Variants in AKIRIN2 observed in about 807,000 individuals in gnomAD.
The protein encoded by AKIRIN2 is akirin 2, also known as akirin-2.
A neutral mutation model predicts 29.3 loss-of-function variants in AKIRIN2; 6 were observed. That is an observed-to-expected ratio of 0.20 (90% confidence interval 0.11 to 0.40). The LOEUF is 0.40. AKIRIN2 is among the 10% of genes least tolerant of loss of function. AKIRIN2 has a pLI of 1.00. For missense variants in AKIRIN2, 210 were observed against 276.1 expected (o/e 0.76, Z 1.70); for synonymous variants, 128 against 117.5 (o/e 1.09, Z -0.58).
At chr6:87,692,002 T>C (rs564856937) in intron 1 of AKIRIN2, among the ~76,000 whole-genome samples, 6 of 152,318 alleles carry the variant, frequency 3.9e-5, no homozygotes, top group African/African-American at 1.4e-4. Flanking sequence ...AAAGATCCAA[T>C]TGAGAGAAGA....
intron 1 of AKIRIN2, among the ~76,000 whole-genome samples, chr6:87,686,912 G>A (rs972102430): frequency 5.9e-5 from 9 of 151,354 alleles, no homozygotes; most frequent in Admixed American, 4.6e-4. Flanking sequence ...CAGGCATGGT[G>A]GTGGGCGCCT....
chr6:87,695,868 T>A (rs1771351540), intron 1 of AKIRIN2, among the ~76,000 whole-genome samples: 1 of 149,232 alleles, frequency 6.7e-6, no homozygotes, highest in East Asian at 2.0e-4. Context: ...TCTTTCTAGA[T>A]CTATCAAAAC....
At chr6:87,694,914 T>A (rs965568936) in intron 1 of AKIRIN2, among the ~76,000 whole-genome samples, 4 of 152,114 alleles carry the variant, frequency 2.6e-5, no homozygotes, top group Admixed American at 2.0e-4. Context: ...AAAATAAATA[T>A]CAAAGCTGAA....
chr6:87,698,175 T>TC (rs981010119), intron 1 of AKIRIN2, among the ~76,000 whole-genome samples: 1 of 152,032 alleles, frequency 6.6e-6, no homozygotes, highest in Non-Finnish European at 1.5e-5. Context: ...ATGCTTCTGC[T>TC]CCCCCTCCCC....
At chr6:87,678,248 C>T (rs967146461) in intron 2 of AKIRIN2, among the ~76,000 whole-genome samples, 4 of 152,062 alleles carry the variant, frequency 2.6e-5, no homozygotes, top group Admixed American at 1.3e-4. Context: ...TGGTGCTCAC[C>T]GCCTGTAATC....
chr6:87,675,372 G>T lies in AKIRIN2; in HGVS notation c.*225C>A. The T allele has an allele frequency of 1.8e-6, 1 of 556,434 alleles. No homozygotes were observed. The allele number at this position is 556,434 out of a possible 1,614,324, so 34.5% of individuals were successfully genotyped here. A position where few individuals can be genotyped will look rare whatever the true frequency, so the allele number is the denominator to read the frequency against. On this transcript the variant is annotated 3_prime_UTR_variant, in exon 5 of 5. Transcript: ENST00000257787. ...AATTGTAATGATACAGCAAAATGAG[G>T]CCACTGGTATTAATACAGGTAGCAA...
At chr6:87,689,183 A>C (rs1162764927) in intron 1 of AKIRIN2, among the ~76,000 whole-genome samples, 2 of 152,040 alleles carry the variant, frequency 1.3e-5, no homozygotes, top group South Asian at 4.2e-4. Flanking sequence ...TCCTATAACA[A>C]CTTGTTCAGG....
intron 1 of AKIRIN2, among the ~76,000 whole-genome samples, chr6:87,698,477 T>C (rs79085954): frequency 0.031 from 4,766 of 152,232 alleles, 250 homozygotes; most frequent in African/African-American, 0.11. Flanking sequence ...ACAAAATAAT[T>C]CTTTTGATTC....
At chr6:87,689,296 G>C (rs920339688) in intron 1 of AKIRIN2, among the ~76,000 whole-genome samples, 1 of 152,192 alleles carries the variant, frequency 6.6e-6, no homozygotes, top group African/African-American at 2.4e-5. Context: ...GAGGTCAAGA[G>C]TTCGAGACCT....
intron 3 of AKIRIN2, among the ~76,000 whole-genome samples, chr6:87,677,450 G>C (rs1053910589): frequency 1.3e-5 from 2 of 152,118 alleles, no homozygotes; most frequent in Non-Finnish European, 2.9e-5. Flanking sequence ...ACTCCAGTTT[G>C]ATACTCCAAT....
intron 1 of AKIRIN2, among the ~76,000 whole-genome samples, chr6:87,690,798 C>T (rs1312797155): frequency 6.6e-6 from 1 of 151,144 alleles, no homozygotes; most frequent in African/African-American, 2.4e-5. Context: ...CATGGTAAAA[C>T]CCTATCTCTA....
chr6:87,701,641 G>T lies in AKIRIN2; in HGVS notation c.44C>A (p.Pro15Gln). 1 of 1,468,042 alleles carries T rather than the reference G, an allele frequency of 6.8e-7. No homozygotes were observed. The highest frequency in any genetic ancestry group is 1.4e-5 in the South Asian group (1 of 70,046). The allele number at this position is 1,468,042 out of a possible 1,614,324, so 90.9% of individuals were successfully genotyped here. ...ATLKRTLDFD[P>Q]LLSPASPKRR... ...CTTCGGGGACGCCGGGCTCAACAGC[G>T]GGTCGAAATCCAGAGTCCTTTTCAG... The change falls in exon 1 of 5, where the codon CCG becomes CAG. Residue 15 changes from proline (P) to glutamine (Q), a missense_variant. Transcript: ENST00000257787.
At chr6:87,684,555 C>T (rs1462606116) in intron 1 of AKIRIN2, among the ~76,000 whole-genome samples, 1 of 152,182 alleles carries the variant, frequency 6.6e-6, no homozygotes, top group Non-Finnish European at 1.5e-5. Flanking sequence ...CTCCCCCATA[C>T]AGTCCACCAA....
rs749247599 is a variant in AKIRIN2 at position 87,702,202 on chromosome 6, G to T, written c.-518C>A. ...CCGCAGCAGGAACCCAAGCGAACAC[G>T]TCCAACCGCTTCCCCTCCCTCGTAG... On this transcript the variant is annotated 5_prime_UTR_variant, in exon 1 of 5. Transcript: ENST00000257787. 34 of 397,926 alleles carry T rather than the reference G, an allele frequency of 8.5e-5. No homozygotes were observed. The Middle Eastern group carries it at 1.9e-3, about 22-fold the overall frequency. The allele number at this position is 397,926 out of a possible 1,614,324, so 24.6% of individuals were successfully genotyped here.
At chr6:87,681,235 G>A (rs1771114975) in intron 2 of AKIRIN2, among the ~76,000 whole-genome samples, 1 of 152,088 alleles carries the variant, frequency 6.6e-6, no homozygotes, top group African/African-American at 2.4e-5. Flanking sequence ...ACAGAGTTTT[G>A]CCATGTTGGC....
chr6:87,678,079 T>A, intron 2 of AKIRIN2, 112 bp from the exon 3 acceptor site: 1 of 994,952 alleles, frequency 1.0e-6, no homozygotes, highest in Non-Finnish European at 1.4e-6. Context: ...AAAAGCATTT[T>A]AAAATCAGAT....
intron 2 of AKIRIN2, among the ~76,000 whole-genome samples, chr6:87,679,325 G>A (rs146861200): frequency 1.4e-3 from 214 of 152,116 alleles, no homozygotes; most frequent in African/African-American, 4.9e-3. Flanking sequence ...TTGAGCTAAA[G>A]GCCAGCCTGC....
intron 2 of AKIRIN2, among the ~76,000 whole-genome samples, chr6:87,680,987 G>A (rs1038388470): frequency 6.6e-6 from 1 of 151,862 alleles, no homozygotes; most frequent in African/African-American, 2.4e-5. Flanking sequence ...ATCATTAAGT[G>A]TTCAGTCATG....
chr6:87,688,294 G>A (rs1771223833), intron 1 of AKIRIN2, among the ~76,000 whole-genome samples: 2 of 152,118 alleles, frequency 1.3e-5, no homozygotes, highest in African/African-American at 2.4e-5. Flanking sequence ...ACTATGCCCA[G>A]CTAATTTTTG....
Sources: gnomAD v4.1 joint callset for allele counts (sites outside exome capture counted in the v4.1 genomes callset) on GRCh38, gnomAD v4.1.1 for gene constraint, MANE v1.5 for transcripts, NCBI Gene and HGNC (gene_info 2026-07-23, HGNC 2026-07-21) for gene names.